Variants in HSD17B4 observed in about 807,000 individuals in gnomAD.
The protein encoded by HSD17B4 is hydroxysteroid 17-beta dehydrogenase 4, also known as peroxisomal multifunctional enzyme type 2.
In HSD17B4, 70 loss-of-function variants were observed where a neutral mutation model predicts 101.0. That is an observed-to-expected ratio of 0.69 (90% CI 0.57 to 0.85). The LOEUF is 0.85. HSD17B4 is among the 40% of genes least tolerant of loss of function. The pLI, the probability that HSD17B4 is intolerant of heterozygous loss-of-function variation, is 0.00. For missense variants in HSD17B4, 984 were observed against 892.4 expected (o/e 1.10, Z -1.31); for synonymous variants, 347 against 297.1 (o/e 1.17, Z -1.73).
chr5:119,484,987 A>G (rs189016483), intron 8 of HSD17B4, among the ~76,000 whole-genome samples: 40 of 152,316 alleles, frequency 2.6e-4, no homozygotes, highest in Middle Eastern at 3.4e-3. Flanking sequence ...ATGATACTAT[A>G]TAGACACAAA....
intron 1 of HSD17B4, among the ~76,000 whole-genome samples, chr5:119,454,293 T>A (rs966831942): frequency 1.3e-5 from 2 of 151,016 alleles, no homozygotes; most frequent in African/African-American, 2.5e-5. Flanking sequence ...TCTTACCCAT[T>A]CAGAGTTGAT....
chr5:119,490,114 A>G (rs1248761344), intron 9 of HSD17B4, among the ~76,000 whole-genome samples: 1 of 152,078 alleles, frequency 6.6e-6, no homozygotes, highest in Non-Finnish European at 1.5e-5. Context: ...AGTGAGGGAT[A>G]TATTAGCTTA....
intron 8 of HSD17B4, among the ~76,000 whole-genome samples, chr5:119,480,637 T>C (rs1418611357): frequency 6.6e-6 from 1 of 152,176 alleles, no homozygotes; most frequent in Non-Finnish European, 1.5e-5. Flanking sequence ...GGCACCATTG[T>C]CATTGATAAT....
At chr5:119,493,129 A>G (rs777141495) in intron 10 of HSD17B4, 6 of 152,302 alleles carry the variant, frequency 3.9e-5, no homozygotes, top group Non-Finnish European at 8.8e-5. Context: ...CATTTCTGTC[A>G]TTCCCAAAGA....
intron 8 of HSD17B4, among the ~76,000 whole-genome samples, chr5:119,484,753 G>C (rs1749461232): frequency 6.6e-6 from 1 of 152,106 alleles, no homozygotes; most frequent in Non-Finnish European, 1.5e-5. Context: ...TACTACAGCA[G>C]TACTTTGCAG....
intron 23 of HSD17B4, 104 bp from the exon 24 acceptor site, chr5:119,541,797 GAATT>G: frequency 1.4e-6 from 1 of 720,794 alleles, no homozygotes; most frequent in Non-Finnish European, 2.4e-6. Context: ...TTGTTGTCCA[GAATT>G]ATTAGCTCAA....
intron 13 of HSD17B4, 24 bp from the exon 14 acceptor site, chr5:119,502,017 A>G (rs751943405): frequency 3.3e-6 from 5 of 1,515,218 alleles, no homozygotes; most frequent in Admixed American, 3.3e-5. Flanking sequence ...GTTTGCTAAT[A>G]AAATTTTGTT....
rs754255447 is a variant in HSD17B4 at position 119,477,469 on chromosome 5, A to T, written c.402A>T (p.Ala134=). The change falls in exon 7 of 24, where the codon GCA becomes GCT. Residue 134 remains alanine (A), a synonymous_variant. Coordinates refer to ENST00000510025, the MANE Select transcript of HSD17B4 (RefSeq NM_000414.4). ...GTTCATTCCAAGTGACACGGGCAGC[A>T]TGGGAACACATGAAGAAACAGAAGT... The part of the protein sequence containing the change: ...LRGSFQVTRA[A]WEHMKKQKYG... The T allele has an allele frequency of 1.9e-6, 3 of 1,613,010 alleles. No individual in the cohort carries two copies. The highest frequency in any genetic ancestry group is 2.2e-5 in the East Asian group (1 of 44,856).
intron 13 of HSD17B4, 41 bp downstream of exon 13, chr5:119,499,594 T>C: frequency 9.0e-7 from 1 of 1,116,682 alleles, no homozygotes; most frequent in Non-Finnish European, 1.4e-6. Flanking sequence ...TTTCTATTTC[T>C]GTAAATATTA....
At chr5:119,484,911 G>C (rs552600825) in intron 8 of HSD17B4, among the ~76,000 whole-genome samples, 1 of 152,040 alleles carries the variant, frequency 6.6e-6, no homozygotes, top group Non-Finnish European at 1.5e-5. Context: ...TCTCATAGTC[G>C]TGTCAAAGGA....
At chr5:119,460,011 C>T (rs1423014882) in intron 2 of HSD17B4, among the ~76,000 whole-genome samples, 1 of 151,978 alleles carries the variant, frequency 6.6e-6, no homozygotes, top group Non-Finnish European at 1.5e-5. Flanking sequence ...GCTGGGACTA[C>T]AGGTGCCTGC....
At chr5:119,514,750 T>C (rs1228424866) in intron 16 of HSD17B4, among the ~76,000 whole-genome samples, 2 of 152,192 alleles carry the variant, frequency 1.3e-5, no homozygotes, top group Non-Finnish European at 2.9e-5. Context: ...TCTGATTACA[T>C]AATTCTTTAC....
In HSD17B4 at chr5:119,484,922, A is replaced by T. The variant is rs185032215; in HGVS notation, c.623-4270A>T. ...ATGTTCTCATAGTCGTGTCAAAGGAATTCTTGTTGAAGAATCATATTATGT... is the reference window on the plus strand; with the variant it reads ...ATGTTCTCATAGTCGTGTCAAAGGATTTCTTGTTGAAGAATCATATTATGT... On this transcript the variant is annotated intron_variant, in intron 8 of 23. Transcript: ENST00000510025. Among the ~76,000 whole-genome samples, 809 of 152,282 alleles carry T rather than the reference A, an allele frequency of 5.3e-3. 5 individuals are homozygous for T. The highest frequency in any genetic ancestry group is 7.7e-3 in the Non-Finnish European group (527 of 68,004).
intron 8 of HSD17B4, among the ~76,000 whole-genome samples, chr5:119,484,025 A>G (rs926222727): frequency 2.6e-5 from 4 of 152,182 alleles, no homozygotes; most frequent in African/African-American, 7.2e-5. Flanking sequence ...CCTTTAAAAC[A>G]TAATAGTTCA....
At chr5:119,539,682 G>T (rs1754822357) in intron 23 of HSD17B4, among the ~76,000 whole-genome samples, 1 of 151,840 alleles carries the variant, frequency 6.6e-6, no homozygotes, top group African/African-American at 2.4e-5. Flanking sequence ...ATTTTTCCCA[G>T]TATCCAAAAA....
At chr5:119,506,968 T>G in intron 15 of HSD17B4, 79 bp downstream of exon 15, 1 of 728,928 alleles carries the variant, frequency 1.4e-6, no homozygotes. Flanking sequence ...ACCATAGAAG[T>G]TGATTAATAA....
chr5:119,469,664 A>T (rs1447096056), intron 2 of HSD17B4, among the ~76,000 whole-genome samples: 1 of 152,088 alleles, frequency 6.6e-6, no homozygotes, highest in African/African-American at 2.4e-5. Flanking sequence ...CTGTTTTTCC[A>T]TGTTTCTTTT....
chr5:119,499,654 T>A, intron 13 of HSD17B4, 101 bp downstream of exon 13: 1 of 586,860 alleles, frequency 1.7e-6, no homozygotes, highest in Non-Finnish European at 2.9e-6. Flanking sequence ...TGTGTATATA[T>A]ATTTATATAA....
chr5:119,464,107 T>C (rs1474359055), intron 2 of HSD17B4, among the ~76,000 whole-genome samples: 5 of 152,184 alleles, frequency 3.3e-5, no homozygotes, highest in Non-Finnish European at 5.9e-5. Flanking sequence ...GTTGGATGAA[T>C]AGTTTGCAAA....
Sources: allele counts gnomAD v4.1 joint callset (sites outside exome capture counted in the v4.1 genomes callset), GRCh38; gene constraint gnomAD v4.1.1; transcripts MANE v1.5; gene names NCBI Gene and HGNC (gene_info 2026-07-23, HGNC 2026-07-21).